ARHGEF10: variants seen among roughly 807,000 people sequenced by gnomAD.
ARHGEF10 encodes the protein Rho guanine nucleotide exchange factor (GEF) 10.
A neutral mutation model predicts 147.4 loss-of-function variants in ARHGEF10; 140 were observed. The ratio of observed to expected loss-of-function variants is 0.95; its 90% CI spans 0.83 to 1.09. The LOEUF (loss-of-function observed/expected upper bound fraction) is 1.09. Among genes scored for constraint, ARHGEF10 ranks in the 50% least tolerant of loss-of-function variants. ARHGEF10 has a pLI of 0.00. For synonymous variants in ARHGEF10, 902 were observed against 695.8 expected, an observed-to-expected ratio of 1.30 and a Z score of -4.67; for missense variants, 2,222 against 1,752.7, an observed-to-expected ratio of 1.27 and a Z score of -4.78.
At chr8:1,841,964 CG>C (rs1804105289) in intron 1 of ARHGEF10, among the ~76,000 whole-genome samples, 2 of 38,114 alleles carry the variant, frequency 5.2e-5, no homozygotes, top group Admixed American at 5.1e-4. Flanking sequence ...GGGCCGCGAC[CG>C]GAACTGGGGC....
chr8:1,853,551 G>A (rs961707386), intron 2 of ARHGEF10, among the ~76,000 whole-genome samples: 4 of 152,280 alleles, frequency 2.6e-5, no homozygotes, highest in Non-Finnish European at 4.4e-5. Context: ...CTGAAGCTGG[G>A]GTTTTGAGAA....
chr8:1,824,668 A>C lies in ARHGEF10; in HGVS notation c.-48+555A>C, dbSNP rs1185124581. Among the ~76,000 whole-genome samples the C allele has an allele frequency of 2.3e-3, 96 of 41,616 alleles. 1 individual carries two copies. Among genetic ancestry groups the C allele is most frequent in the African/African-American group, 7.1e-3 (75 of 10,532 alleles). 27.3% of individuals were successfully genotyped at this position (41,616 alleles called of 152,430 possible). A position where few individuals can be genotyped will look rare whatever the true frequency, so the allele number is the denominator to read the frequency against. On this transcript the variant is annotated intron_variant, in intron 1 of 28. Coordinates refer to ENST00000349830, the MANE Select transcript of ARHGEF10 (RefSeq NM_014629.4). ...CACCCCAGCTGTCCCCCCGCACCCC[A>C]CCTGTTTACCCTGCACCCCAGCTGT...
At chr8:1,946,943 A>G (rs1814640755) in intron 27 of ARHGEF10, among the ~76,000 whole-genome samples, 2 of 152,242 alleles carry the variant, frequency 1.3e-5, no homozygotes, top group South Asian at 4.1e-4. Flanking sequence ...GTCATTGTTA[A>G]AATACTACAG....
rs57962747 is a variant in ARHGEF10, at chr8:1,861,447, G to A, written c.481+1263G>A. On this transcript the variant is annotated intron_variant, in intron 4 of 28. Coordinates refer to ENST00000349830, the MANE Select transcript of ARHGEF10 (RefSeq NM_014629.4). ...GCGACCCAGTCGAGGCGTCTCAGCCGAAGTTTTCCTTTTTTGCCCAGATCT... is the reference window on the plus strand; with the variant it reads ...GCGACCCAGTCGAGGCGTCTCAGCCAAAGTTTTCCTTTTTTGCCCAGATCT... Among the ~76,000 whole-genome samples, 939 of 152,318 alleles carry A rather than the reference G, an allele frequency of 6.2e-3. 8 individuals are homozygous for A. The highest frequency in any genetic ancestry group is 0.021 in the African/African-American group (892 of 41,568).
intron 26 of ARHGEF10, among the ~76,000 whole-genome samples, chr8:1,938,292 T>C (rs887099735): frequency 7.2e-5 from 11 of 152,176 alleles, no homozygotes; most frequent in African/African-American, 2.4e-4. Context: ...GGTGAATCAT[T>C]CTGGATTTCT....
rs918762860 is a variant in ARHGEF10, at chr8:1,916,742, A to G, written c.2144-6222A>G. 3.3e-5 allele frequency among the ~76,000 whole-genome samples: 5 copies of G among 152,306 alleles called. 1 individual carries two copies. The highest frequency in any genetic ancestry group is 3.3e-4 in the Admixed American group (5 of 15,302). ...GTGCCTCTTATCAGACTAGGGACTT[A>G]TATATGATGCTGTTTAAAAATTACC... On this transcript the variant is annotated intron_variant, in intron 18 of 28. Coordinates refer to ENST00000349830, the MANE Select transcript of ARHGEF10 (RefSeq NM_014629.4).
chr8:1,874,769 C>T (rs1359672005), intron 7 of ARHGEF10, among the ~76,000 whole-genome samples: 1 of 149,668 alleles, frequency 6.7e-6, no homozygotes, highest in Non-Finnish European at 1.5e-5. Flanking sequence ...ACAGTGGAGA[C>T]ACACACCAGG....
rs1446514294 is a variant in ARHGEF10 at position 1,948,338 on chromosome 8, C to T, written c.3397+2683C>T. ...CATAGTCAGGTCTGCATTTTAGACC[C>T]GCATGAAAGCAAACACATGAGTCTG... On this transcript the variant is annotated intron_variant, in intron 27 of 28. Coordinates refer to ENST00000349830, the MANE Select transcript of ARHGEF10 (RefSeq NM_014629.4). The surrounding 1 kb of genome is among the most constrained non-coding windows in gnomAD (Gnocchi z 4.9). Among the ~76,000 whole-genome samples the T allele has an allele frequency of 2.6e-5, 4 of 152,146 alleles. No individual in the cohort carries two copies. The highest frequency in any genetic ancestry group is 1.9e-4 in the East Asian group (1 of 5,180).
chr8:1,947,177 G>A (rs565391106), intron 27 of ARHGEF10, among the ~76,000 whole-genome samples: 110 of 152,246 alleles, frequency 7.2e-4, no homozygotes, highest in African/African-American at 2.5e-3. Context: ...ACGCTCTCAC[G>A]CGGCAGTGAG....
rs367903414 is a variant in ARHGEF10, at chr8:1,849,901, CAG to C, written c.37+6468_37+6469del. ...AGGGCGTGGGGCGACCATGTGGACA[CAG>C]AGGGCAAATGCTGAGGAGGGCGTGG... On this transcript the variant is annotated intron_variant, in intron 2 of 28. Coordinates refer to ENST00000349830, the MANE Select transcript of ARHGEF10 (RefSeq NM_014629.4). Among the ~76,000 whole-genome samples, 284 of 138,096 alleles carry C rather than the reference CAG, an allele frequency of 2.1e-3. 4 individuals are homozygous for C. The highest frequency in any genetic ancestry group is 0.013 in the East Asian group (57 of 4,264). 90.6% of individuals were successfully genotyped at this position (138,096 alleles called of 152,430 possible).
intron 1 of ARHGEF10, among the ~76,000 whole-genome samples, chr8:1,827,206 T>G (rs763529996): frequency 6.6e-6 from 1 of 152,258 alleles, no homozygotes; most frequent in Non-Finnish European, 1.5e-5. Context: ...CTGCCACATC[T>G]GCCACCCTAC....
chr8:1,909,279 C>T lies in ARHGEF10; in HGVS notation c.1968-16C>T. On this transcript the variant is annotated splice_polypyrimidine_tract_variant and intron_variant, in intron 17 of 28. Transcript: ENST00000349830. ...ATGTAATTATTCGTAAAACAAGGAT[C>T]TTTTGGTCGTTTCAGCCCCTCTCAT... is the stretch of plus-strand genomic sequence containing the variant. The T allele has an allele frequency of 1.2e-6, 2 of 1,614,202 alleles. No individual in the cohort carries two copies. Among genetic ancestry groups the T allele is most frequent in the Non-Finnish European group, 1.7e-6 (2 of 1,180,046 alleles).
At chr8:1,858,700 G>C (rs1479156290) in intron 3 of ARHGEF10, 3 of 157,652 alleles carry the variant, frequency 1.9e-5, no homozygotes, top group Non-Finnish European at 4.2e-5. Flanking sequence ...GGGAGAGCCT[G>C]CACAGTGTTT....
chr8:1,904,937 A>G (rs577188661), intron 16 of ARHGEF10, among the ~76,000 whole-genome samples: 55 of 152,196 alleles, frequency 3.6e-4, no homozygotes, highest in Non-Finnish European at 7.8e-4. Context: ...CCTAACCAAC[A>G]TGACAAAACC....
At chr8:1,953,479 G>A (rs551054898) in intron 28 of ARHGEF10, among the ~76,000 whole-genome samples, 1 of 152,392 alleles carries the variant, frequency 6.6e-6, no homozygotes, top group African/African-American at 2.4e-5. Flanking sequence ...GGAACACATG[G>A]CCTTTCTGGA....
At chr8:1,862,170 C>T (rs1251629913) in intron 4 of ARHGEF10, among the ~76,000 whole-genome samples, 1 of 152,210 alleles carries the variant, frequency 6.6e-6, no homozygotes, top group African/African-American at 2.4e-5. Context: ...GCCTGGCCCA[C>T]ACTTCCTGCC....
intron 26 of ARHGEF10, among the ~76,000 whole-genome samples, chr8:1,934,322 C>A (rs116898017): frequency 0.049 from 6,920 of 141,692 alleles, 226 homozygotes; most frequent in Middle Eastern, 0.1. Context: ...CCACTGCACT[C>A]CAGCCTGGGT....
intron 18 of ARHGEF10, among the ~76,000 whole-genome samples, chr8:1,911,945 G>A (rs187434772): frequency 3.0e-4 from 45 of 152,278 alleles, no homozygotes; most frequent in African/African-American, 1.1e-3. Context: ...AAATTATATC[G>A]AGAAGCTAAG....
At chr8:1,912,175 T>C (rs987469075) in intron 18 of ARHGEF10, among the ~76,000 whole-genome samples, 17 of 151,870 alleles carry the variant, frequency 1.1e-4, no homozygotes, top group Admixed American at 9.2e-4. Flanking sequence ...AAGCGCCGTG[T>C]CGATTGTGTG....
Sources: allele counts gnomAD v4.1 joint callset (sites outside exome capture counted in the v4.1 genomes callset), GRCh38; gene constraint gnomAD v4.1.1; non-coding constraint Gnocchi (gnomAD v3.1); transcripts MANE v1.5; gene names NCBI Gene and HGNC (gene_info 2026-07-23, HGNC 2026-07-21).